Variants in VRK2 observed in about 807,000 individuals in gnomAD.
VRK2 encodes serine/threonine-protein kinase VRK2.
In VRK2, 60 loss-of-function variants were observed where a neutral mutation model predicts 57.6. The ratio of observed to expected loss-of-function variants is 1.04; its 90% CI spans 0.85 to 1.29. The LOEUF is 1.29. Among genes scored for constraint, VRK2 ranks in the 50% most tolerant of loss-of-function variants. The pLI, the probability that VRK2 is intolerant of heterozygous loss-of-function variation, is 0.00. For missense variants in VRK2, 705 were observed against 588.1 expected (o/e 1.20, Z -2.06); for synonymous variants, 231 against 199.2 (o/e 1.16, Z -1.35).
intron 1 of VRK2, among the ~76,000 whole-genome samples, chr2:57,982,682 C>G (rs1011096603): frequency 2.6e-5 from 4 of 152,164 alleles, no homozygotes; most frequent in African/African-American, 9.7e-5. Context: ...CTAGGAGGGG[C>G]TGGCAGATGT....
Position 57,995,687 on chromosome 2 carries a change from G to A in VRK2, c.-438-29978G>A, listed in dbSNP as rs528437959. Among the ~76,000 whole-genome samples the A allele has an allele frequency of 3.3e-5, 5 of 152,250 alleles. No individual in the cohort carries two copies. In the South Asian group the frequency reaches 1.0e-3, roughly 32 times the overall value. On this transcript the variant is annotated intron_variant, in intron 1 of 15. Coordinates refer to the VRK2 transcript ENST00000417641. ...GTGCTTTATGAGTACTTCCTGTCTT[G>A]TCACACAGAATATTGAAAAACTAGT...
intron 3 of VRK2, among the ~76,000 whole-genome samples, chr2:58,036,204 T>C (rs1223808003): frequency 6.6e-6 from 1 of 151,972 alleles, no homozygotes; most frequent in South Asian, 2.1e-4. Context: ...AGATAGGAAG[T>C]AGAATAGAAG....
chr2:58,025,453 A>G lies in VRK2; in HGVS notation c.-438-212A>G, dbSNP rs1477720392. Among the ~76,000 whole-genome samples the G allele has an allele frequency of 6.6e-5, 10 of 152,318 alleles. No individual in the cohort carries two copies. The East Asian group carries it at 1.4e-3, about 21-fold the overall frequency. ...TGGAGAAATCCCTAAGTAAACAGCC[A>G]GACAAAGGAAGAGAATCATAGGCTA... On this transcript the variant is annotated intron_variant, in intron 1 of 15. Coordinates refer to the VRK2 transcript ENST00000417641.
At chr2:57,972,931 G>A (rs1672140440) in intron 1 of VRK2, among the ~76,000 whole-genome samples, 3 of 151,816 alleles carry the variant, frequency 2.0e-5, no homozygotes, top group Admixed American at 6.6e-5. Flanking sequence ...CCATTGATGA[G>A]CATTTGGGTT....
chr2:57,978,689 T>G (rs551828235), intron 1 of VRK2, among the ~76,000 whole-genome samples: 2 of 150,190 alleles, frequency 1.3e-5, no homozygotes, highest in Non-Finnish European at 2.9e-5. Context: ...TCCTTCCTTC[T>G]TTCTTTCTTT....
intron 1 of VRK2, among the ~76,000 whole-genome samples, chr2:57,962,648 A>T (rs1671797178): frequency 6.6e-6 from 1 of 152,198 alleles, no homozygotes; most frequent in South Asian, 2.1e-4. Context: ...GTTTAGCTCC[A>T]ATCTATAAAT....
At chr2:58,048,773 T>TTTTG in intron 1 of VRK2, 54 bp from the exon 2 acceptor site, 2 of 1,586,834 alleles carry the variant, frequency 1.3e-6, no homozygotes, top group Non-Finnish European at 1.7e-6. Context: ...ATTTTAAGAG[T>TTTTG]TTTGTTTGTT....
At chr2:58,154,620 A>T in intron 12 of VRK2, 1 of 629,174 alleles carries the variant, frequency 1.6e-6, no homozygotes, top group Non-Finnish European at 2.9e-6. Context: ...CATTCGGTTC[A>T]ATGTATTTTT....
intron 1 of VRK2, among the ~76,000 whole-genome samples, chr2:57,913,599 T>A (rs1340849389): frequency 1.3e-5 from 2 of 152,166 alleles, no homozygotes; most frequent in East Asian, 3.8e-4. Context: ...TATGTGATAT[T>A]ATATTGCACC....
chr2:57,987,062 G>A (rs1468376102), intron 1 of VRK2, among the ~76,000 whole-genome samples: 10 of 151,710 alleles, frequency 6.6e-5, no homozygotes, highest in African/African-American at 1.9e-4. Flanking sequence ...AAATCCAAAC[G>A]GATGACAGAC....
intron 1 of VRK2, among the ~76,000 whole-genome samples, chr2:57,955,021 A>G (rs1448970181): frequency 2.0e-5 from 3 of 152,208 alleles, no homozygotes; most frequent in Non-Finnish European, 2.9e-5. Flanking sequence ...TGTTTATGAT[A>G]TATTTACCAA....
chr2:57,946,975 CA>C (rs1048940184), intron 1 of VRK2, among the ~76,000 whole-genome samples: 125 of 151,812 alleles, frequency 8.2e-4, no homozygotes, highest in African/African-American at 2.5e-3. Context: ...GAAGATATGC[CA>C]AAAAAAATTT....
At chr2:57,935,580 C>T (rs911729854) in intron 1 of VRK2, among the ~76,000 whole-genome samples, 18 of 151,916 alleles carry the variant, frequency 1.2e-4, no homozygotes, top group East Asian at 1.9e-4. Context: ...CTTGTGGGTC[C>T]GGAGGTAAAA....
At chr2:57,966,624 A>G (rs1049823078) in intron 1 of VRK2, among the ~76,000 whole-genome samples, 13 of 152,182 alleles carry the variant, frequency 8.5e-5, no homozygotes, top group African/African-American at 2.9e-4. Flanking sequence ...AGAAAGTATT[A>G]AATATATGTA....
chr2:58,088,287 G>C (rs985560296), intron 5 of VRK2, 54 bp from the exon 6 acceptor site: 1 of 1,283,416 alleles, frequency 7.8e-7, no homozygotes, highest in East Asian at 2.3e-5. Flanking sequence ...TAAATAGACA[G>C]TTTCAAGCAT....
chr2:58,071,761 T>C (rs960182174), intron 2 of VRK2, among the ~76,000 whole-genome samples: 2 of 152,040 alleles, frequency 1.3e-5, no homozygotes, highest in African/African-American at 2.4e-5. Context: ...GTGTTTGCTG[T>C]TCTGGATCTT....
intron 1 of VRK2, among the ~76,000 whole-genome samples, chr2:57,984,025 C>T (rs923199602): frequency 6.6e-6 from 1 of 152,258 alleles, no homozygotes; most frequent in African/African-American, 2.4e-5. Context: ...GGCTGATACT[C>T]TAAGCCAGGA....
At chr2:57,911,742 T>C (rs1381011497) in intron 1 of VRK2, among the ~76,000 whole-genome samples, 2 of 152,208 alleles carry the variant, frequency 1.3e-5, no homozygotes, top group African/African-American at 2.4e-5. Flanking sequence ...TCCGTGAACA[T>C]TTAATTACCG....
chr2:58,031,047 A>G (rs189655471), intron 2 of VRK2, among the ~76,000 whole-genome samples: 1 of 152,184 alleles, frequency 6.6e-6, no homozygotes, highest in East Asian at 1.9e-4. Context: ...ACCTTCTCAA[A>G]GAGTTAAGCC....
Sources: gnomAD v4.1 joint callset for allele counts (sites outside exome capture counted in the v4.1 genomes callset) on GRCh38, gnomAD v4.1.1 for gene constraint, MANE v1.5 for transcripts, NCBI Gene and HGNC (gene_info 2026-07-23, HGNC 2026-07-21) for gene names.